Variants in STAT1 observed in about 807,000 individuals in gnomAD.
The protein encoded by STAT1 is signal transducer and activator of transcription 1.
A neutral mutation model predicts 111.7 loss-of-function variants in STAT1; 24 were observed. That is an observed-to-expected ratio of 0.21 (90% CI 0.16 to 0.30). STAT1 has a LOEUF of 0.30. Ranked by LOEUF, STAT1 falls within the 10% of genes least tolerant of loss-of-function variation. The pLI, the probability that STAT1 is intolerant of heterozygous loss-of-function variation, is 1.00. For synonymous variants in STAT1, 332 were observed against 326.5 expected, an observed-to-expected ratio of 1.02 and a Z score of -0.18; for missense variants, 351 against 911.9, an observed-to-expected ratio of 0.38 and a Z score of 7.92.
At chr2:191,010,755 G>A (rs909303714) in intron 2 of STAT1, among the ~76,000 whole-genome samples, 1 of 152,122 alleles carries the variant, frequency 6.6e-6, no homozygotes, top group Non-Finnish European at 1.5e-5. Context: ...GCATAAAGAA[G>A]TAATGATTTT....
intron 10 of STAT1, chr2:190,992,858 C>T (rs986928772): frequency 1.8e-4 from 55 of 303,594 alleles, no homozygotes; most frequent in Admixed American, 5.6e-4. Context: ...GGCGCAATCT[C>T]GGCTCACTGC....
intron 5 of STAT1, among the ~76,000 whole-genome samples, chr2:191,002,131 G>T (rs1208283129): frequency 2.6e-5 from 4 of 152,026 alleles, no homozygotes; most frequent in African/African-American, 4.8e-5. Context: ...GCACTTGCAA[G>T]GTTTCCTTTT....
chr2:190,993,472 C>A lies in STAT1; in HGVS notation c.944+1589G>T. On this transcript the variant is annotated intron_variant, in intron 10 of 24. Coordinates refer to ENST00000361099, the MANE Select transcript of STAT1 (RefSeq NM_007315.4). The surrounding 1 kb of genome is among the most constrained non-coding windows in gnomAD (Gnocchi z 4.1). ...TGTAGCTTTCTGTATATGTTATCATCTGCAAACCTAAGAAGGAGGCAAGAC... is the reference window on the plus strand; with the variant it reads ...TGTAGCTTTCTGTATATGTTATCATATGCAAACCTAAGAAGGAGGCAAGAC... 8.4e-7 allele frequency: 1 copy of A among 1,193,880 alleles called. No homozygotes were observed. The highest frequency in any genetic ancestry group is 2.0e-5 in the Admixed American group (1 of 51,262). The allele number at this position is 1,193,880 out of a possible 1,614,324, so 74.0% of individuals were successfully genotyped here. A position where few individuals can be genotyped will look rare whatever the true frequency, so the allele number is the denominator to read the frequency against.
Position 191,009,999 on chromosome 2 carries a change from G to A in STAT1, c.5C>T (p.Ser2Phe). 1.2e-6 allele frequency: 2 copies of A among 1,613,890 alleles called. No homozygotes were observed. The highest frequency in any genetic ancestry group is 1.7e-6 in the Non-Finnish European group (2 of 1,179,872). The change falls in exon 3 of 25, where the codon TCT (serine) becomes TTT (phenylalanine). Residue 2 changes from serine (S) to phenylalanine (F), a missense_variant. This residue lies in a region of STAT1 where 44 missense variants were observed against 144.2 expected (regional missense o/e 0.31). Coordinates refer to ENST00000361099, the MANE Select transcript of STAT1 (RefSeq NM_007315.4). M[S>F]QWYELQQLDS... ...AAGCTGCTGAAGTTCGTACCACTGA[G>A]ACATCCTATAGGGAAAAAGAATATA...
chr2:190,999,820 CA>C lies in STAT1; in HGVS notation c.463-117del. On this transcript the variant is annotated intron_variant, in intron 6 of 24. Coordinates refer to ENST00000361099, the MANE Select transcript of STAT1 (RefSeq NM_007315.4). The surrounding 1 kb of genome is among the most constrained non-coding windows in gnomAD (Gnocchi z 4.1). The stretch of plus-strand genomic sequence containing the variant: ...AACACGAAAACAATTCCATCTCCCC[CA>C]AAAAGAGATCTGACTTGGACAGTTC... The C allele has an allele frequency of 1.4e-6, 1 of 734,604 alleles. No homozygotes were observed. The highest frequency in any genetic ancestry group is 2.4e-6 in the Non-Finnish European group (1 of 415,484). 45.5% of individuals were successfully genotyped at this position (734,604 alleles called of 1,614,324 possible).
rs1036521887 is a variant in STAT1, at chr2:191,012,720, C to T, written c.-2+805G>A. ...ATTTCCACCCCACCCCATCTTCATC[C>T]ATCAACAAAGCAACCCAGTCACCAA... is the stretch of plus-strand genomic sequence containing the variant. On this transcript the variant is annotated intron_variant, in intron 2 of 24. Transcript: ENST00000361099. This position sits in a 1 kb window ranked among gnomAD's most constrained non-coding sequence, Gnocchi z 4.0. 6.6e-6 allele frequency among the ~76,000 whole-genome samples: 1 copy of T among 152,212 alleles called. No individual in the cohort carries two copies. Among genetic ancestry groups the T allele is most frequent in the African/African-American group, 2.4e-5 (1 of 41,444 alleles).
At chr2:191,010,069 T>C in intron 2 of STAT1, 65 bp from the exon 3 acceptor site, 7 of 1,581,748 alleles carry the variant, frequency 4.4e-6, no homozygotes, top group Non-Finnish European at 6.1e-6. Context: ...AAGAAAGCCT[T>C]CCTAGCATCA....
In STAT1 at chr2:190,979,799, T is replaced by C; in HGVS notation, c.1700A>G (p.Lys567Arg). ...WIESILELIKKHLLPLWNDGC... is the reference protein window; with the variant it reads ...WIESILELIKRHLLPLWNDGC... ...ATCATTCCAGAGAGGGAGCAGGTGT[T>C]TTTTAATGAGTTCTAGGATGCTTTC... Residue 567 changes from lysine to arginine, a missense_variant, in exon 20 of 25, where the codon AAA (lysine) becomes AGA (arginine). Lys to Arg is a conservative substitution (Grantham distance 26, BLOSUM62 2). Transcript: ENST00000361099. This position sits in a 1 kb window ranked among gnomAD's most constrained non-coding sequence, Gnocchi z 5.8. 6.2e-7 allele frequency: 1 copy of C among 1,613,720 alleles called. No homozygotes were observed. Among genetic ancestry groups the C allele is most frequent in the Non-Finnish European group, 8.5e-7 (1 of 1,179,682 alleles).
At chr2:190,988,189 C>T (rs1693019837) in intron 12 of STAT1, among the ~76,000 whole-genome samples, 1 of 152,202 alleles carries the variant, frequency 6.6e-6, no homozygotes, top group African/African-American at 2.4e-5. Context: ...GGAACACTGT[C>T]ACCATGGGAA....
At position 190,976,600 on chromosome 2, in the gene STAT1, C is replaced by G. The variant is rs1691922423; in HGVS notation, c.2059+240G>C. Among the ~76,000 whole-genome samples the G allele has an allele frequency of 6.6e-6, 1 of 152,178 alleles. No homozygotes were observed. Among genetic ancestry groups the G allele is most frequent in the South Asian group, 2.1e-4 (1 of 4,832 alleles). ...GGAAACAGTGATAGTAACAAATACACAAGACCAGCAATGGACTTTTCCAAC... is the reference window on the plus strand; with the variant it reads ...GGAAACAGTGATAGTAACAAATACAGAAGACCAGCAATGGACTTTTCCAAC... On this transcript the variant is annotated intron_variant, in intron 22 of 24. Transcript: ENST00000361099. The surrounding 1 kb of genome is among the most constrained non-coding windows in gnomAD (Gnocchi z 6.0).
intron 2 of STAT1, among the ~76,000 whole-genome samples, chr2:191,010,694 A>T (rs1248762218): frequency 6.6e-6 from 1 of 152,248 alleles, no homozygotes; most frequent in Admixed American, 6.5e-5. Context: ...TTTCTTATAC[A>T]CATTTAAAAA....
chr2:190,981,256 A>G lies in STAT1; in HGVS notation c.1583-587T>C, dbSNP rs1172395331. Among the ~76,000 whole-genome samples the G allele has an allele frequency of 6.6e-6, 1 of 152,198 alleles. No homozygotes were observed. Among genetic ancestry groups the G allele is most frequent in the Non-Finnish European group, 1.5e-5 (1 of 68,048 alleles). Reference sequence around the variant, plus strand: ...TTTCAAAGTTCAACCTAGGTGCCCAAGATCACCCCTAGATCTTCAATGTAA... The same window carrying G: ...TTTCAAAGTTCAACCTAGGTGCCCAGGATCACCCCTAGATCTTCAATGTAA... On this transcript the variant is annotated intron_variant, in intron 18 of 24. Transcript: ENST00000361099. This position sits in a 1 kb window ranked among gnomAD's most constrained non-coding sequence, Gnocchi z 4.1.
In STAT1 at chr2:190,999,033, G is replaced by A. The variant is rs769368033; in HGVS notation, c.541+593C>T. 6.6e-6 allele frequency among the ~76,000 whole-genome samples: 1 copy of A among 152,070 alleles called. No individual in the cohort carries two copies. The highest frequency in any genetic ancestry group is 1.5e-5 in the Non-Finnish European group (1 of 68,010). On this transcript the variant is annotated intron_variant, in intron 7 of 24. Coordinates refer to ENST00000361099, the MANE Select transcript of STAT1 (RefSeq NM_007315.4). This position sits in a 1 kb window ranked among gnomAD's most constrained non-coding sequence, Gnocchi z 4.1. Reference sequence around the variant, plus strand: ...GAATAGAGTAACAGCAGTACCCTACGTGTCCTACACAATGTACATTCTTGA... The same window carrying A: ...GAATAGAGTAACAGCAGTACCCTACATGTCCTACACAATGTACATTCTTGA...
At position 190,986,741 on chromosome 2, in the gene STAT1, C is replaced by T. The variant is rs1692856088; in HGVS notation, c.1221+113G>A. ...AGGAAGACACCAGCCACAAAGTCTA[C>T]AAACCCCAGCAGGGGGGCGTCCTCC... On this transcript the variant is annotated intron_variant, in intron 14 of 24. Transcript: ENST00000361099. This position sits in a 1 kb window ranked among gnomAD's most constrained non-coding sequence, Gnocchi z 5.0. 1.5e-5 allele frequency: 16 copies of T among 1,066,976 alleles called. No homozygotes were observed. The highest frequency in any genetic ancestry group is 2.0e-5 in the Non-Finnish European group (14 of 686,924). 66.1% of individuals were successfully genotyped at this position (1,066,976 alleles called of 1,614,324 possible).
At position 190,978,795 on chromosome 2, in the gene STAT1, C is replaced by T. The variant is rs532099636; in HGVS notation, c.1873+61G>A. 33 of 1,597,336 alleles carry T rather than the reference C, an allele frequency of 2.1e-5. No homozygotes were observed. Among genetic ancestry groups the T allele is most frequent in the East Asian group, 9.0e-5 (4 of 44,498 alleles). ...ACTATCTGTATGAGCTGACTGGCGG[C>T]GATGAAGAGGGACTTCACACACATG... On this transcript the variant is annotated intron_variant, in intron 21 of 24. Transcript: ENST00000361099. This position sits in a 1 kb window ranked among gnomAD's most constrained non-coding sequence, Gnocchi z 6.1.
chr2:190,991,114 C>A (rs1053306616), intron 11 of STAT1, 114 bp downstream of exon 11: 7 of 824,316 alleles, frequency 8.5e-6, no homozygotes, highest in Admixed American at 7.9e-5. Flanking sequence ...ATTAAAGTGC[C>A]CCCTGAAAAA....
chr2:190,973,989 T>G lies in STAT1; in HGVS notation c.2238+841A>C, dbSNP rs570804449. Among the ~76,000 whole-genome samples, 1 of 152,266 alleles carries G rather than the reference T, an allele frequency of 6.6e-6. No homozygotes were observed. Among genetic ancestry groups the G allele is most frequent in the East Asian group, 1.9e-4 (1 of 5,178 alleles). ...CCTCTCTTTGTTGAGCACCTACTTT[T>G]TGCCAGGCACCGGGTATACAGTAAG... On this transcript the variant is annotated intron_variant, in intron 24 of 24. Transcript: ENST00000361099. This position sits in a 1 kb window ranked among gnomAD's most constrained non-coding sequence, Gnocchi z 4.4.
chr2:191,010,027 T>C lies in STAT1; in HGVS notation c.-1-23A>G, dbSNP rs2066798. On this transcript the variant is annotated intron_variant, in intron 2 of 24. Transcript: ENST00000361099. ...ATCCTATAGGGAAAAAGAATATACA[T>C]TCTTTCTATGTATATGGAAACCATA... 8,444 of 1,613,286 alleles carry C rather than the reference T, an allele frequency of 5.2e-3. 352 individuals carry two copies. The African/African-American group carries it at 0.095, about 18-fold the overall frequency.
chr2:190,980,493 G>C lies in STAT1; in HGVS notation c.1632+127C>G. The C allele has an allele frequency of 9.0e-7, 1 of 1,108,232 alleles. No homozygotes were observed. The highest frequency in any genetic ancestry group is 1.4e-6 in the Non-Finnish European group (1 of 727,016). 68.6% of individuals were successfully genotyped at this position (1,108,232 alleles called of 1,614,324 possible). ...GAAAAGTAAACAACTTGCCCGAGGG[G>C]CTCCTTGGCCAGAGAAGAACACGCC... On this transcript the variant is annotated intron_variant, in intron 19 of 24. Transcript: ENST00000361099. The surrounding 1 kb of genome is among the most constrained non-coding windows in gnomAD (Gnocchi z 6.1).
Sources: gnomAD v4.1 joint callset for allele counts (sites outside exome capture counted in the v4.1 genomes callset) on GRCh38, gnomAD v4.1.1 for gene constraint, gnomAD v4.1.1 regional missense constraint, Gnocchi (gnomAD v3.1) non-coding constraint, MANE v1.5 for transcripts, NCBI Gene and HGNC (gene_info 2026-07-23, HGNC 2026-07-21) for gene names.